LRRK2: variants seen among roughly 807,000 people sequenced by gnomAD.
LRRK2 encodes leucine rich repeat kinase 2.
A neutral mutation model predicts 302.6 loss-of-function variants in LRRK2; 203 were observed. The ratio of observed to expected loss-of-function variants is 0.67; its 90% CI spans 0.60 to 0.75. The LOEUF (loss-of-function observed/expected upper bound fraction) is 0.75. LRRK2 is among the 30% of genes least tolerant of loss of function. LRRK2 has a pLI of 0.00. For missense variants in LRRK2, 2,830 were observed against 2,951.0 expected, an observed-to-expected ratio of 0.96 and a Z score of 0.95; for synonymous variants, 1,066 against 1,031.9, an observed-to-expected ratio of 1.03 and a Z score of -0.63.
intron 23 of LRRK2, among the ~76,000 whole-genome samples, chr12:40,297,570 A>G (rs1389736760): frequency 6.6e-6 from 1 of 152,170 alleles, no homozygotes; most frequent in African/African-American, 2.4e-5. Flanking sequence ...ATCAAACTCT[A>G]GAGTTTCTCG....
intron 35 of LRRK2, 28 bp from the exon 36 acceptor site, chr12:40,322,007 G>C: frequency 1.2e-6 from 2 of 1,612,142 alleles, no homozygotes; most frequent in African/African-American, 2.7e-5. Flanking sequence ...TTAGGAAGCA[G>C]TTAATAATTA....
At chr12:40,268,148 C>T (rs997571666) in intron 14 of LRRK2, among the ~76,000 whole-genome samples, 3 of 152,098 alleles carry the variant, frequency 2.0e-5, no homozygotes, top group Admixed American at 6.6e-5. Context: ...TCACCTGTTC[C>T]AGAGAGATAT....
rs1945825557 is a variant in LRRK2 at position 40,334,989 on chromosome 12, T to G, written c.5780T>G (p.Leu1927Arg). Residue 1927 changes from leucine to arginine, a missense_variant, in exon 40 of 51, where the codon CTC (leucine) becomes CGC (arginine). Around this residue, in one of 3 missense-constraint regions of LRRK2, gnomAD observed 253 missense variants for 346.7 expected, o/e 0.73. Transcript: ENST00000298910. ...LRQELVVLCHLHHPSLISLLA... is the reference protein window; with the variant it reads ...LRQELVVLCHRHHPSLISLLA... ...CAGGAGCTTGTGGTGCTTTGCCACC[T>G]CCACCACCCCAGTTTGATATCTTTG... 1 of 1,613,958 alleles carries G rather than the reference T, an allele frequency of 6.2e-7. No homozygotes were observed. The highest frequency in any genetic ancestry group is 1.7e-5 in the Admixed American group (1 of 59,996).
intron 11 of LRRK2, among the ~76,000 whole-genome samples, chr12:40,257,036 C>A (rs1431446020): frequency 1.3e-5 from 2 of 151,978 alleles, no homozygotes. Flanking sequence ...AAAATCCCAA[C>A]AAAGGGTTAA....
chr12:40,276,620 TAATTCG>T (rs1329902579), intron 16 of LRRK2, among the ~76,000 whole-genome samples: 1 of 152,144 alleles, frequency 6.6e-6, no homozygotes. Context: ...TAAAAGTTTT[TAATTCG>T]AATGACGTAC....
At chr12:40,263,134 A>G (rs980153300) in intron 13 of LRRK2, among the ~76,000 whole-genome samples, 1 of 152,182 alleles carries the variant, frequency 6.6e-6, no homozygotes, top group Non-Finnish European at 1.5e-5. Context: ...TATGTCTATA[A>G]TCTTAGGTTT....
At chr12:40,264,453 T>C (rs11175775) in intron 14 of LRRK2, among the ~76,000 whole-genome samples, 43,850 of 151,880 alleles carry the variant, frequency 0.29, 6,684 homozygotes, top group South Asian at 0.39. Context: ...ACCCTGTCTC[T>C]ACTAAAAATA....
intron 24 of LRRK2, 105 bp downstream of exon 24, chr12:40,298,598 T>G (rs1417388151): frequency 7.1e-7 from 1 of 1,418,276 alleles, no homozygotes; most frequent in Non-Finnish European, 9.8e-7. Context: ...ATGGTGAAAC[T>G]CCATCTCTAC....
At position 40,349,306 on chromosome 12, in the gene LRRK2, G is replaced by A. The variant is rs558748255; in HGVS notation, c.6381+797G>A. Among the ~76,000 whole-genome samples the A allele has an allele frequency of 2.1e-4, 32 of 152,166 alleles. No homozygotes were observed. In the South Asian group the frequency reaches 5.0e-3, roughly 24 times the overall value. ...GTATTACCCTGTCTTAATTCCTGTA[G>A]CTTTATAATGATCTCCTCTCCCTAT... On this transcript the variant is annotated intron_variant, in intron 43 of 50. Coordinates refer to ENST00000298910, the MANE Select transcript of LRRK2 (RefSeq NM_198578.4).
At chr12:40,296,117 T>C (rs1365472804) in intron 23 of LRRK2, among the ~76,000 whole-genome samples, 3 of 152,118 alleles carry the variant, frequency 2.0e-5, no homozygotes, top group Non-Finnish European at 4.4e-5. Context: ...TACTGAAAGT[T>C]TTTTTTTCAG....
intron 40 of LRRK2, among the ~76,000 whole-genome samples, chr12:40,336,113 C>A (rs1945862435): frequency 6.6e-6 from 1 of 152,160 alleles, no homozygotes; most frequent in Non-Finnish European, 1.5e-5. Flanking sequence ...GGACTTGTTC[C>A]TGTTATTACC....
intron 12 of LRRK2, 131 bp downstream of exon 12, chr12:40,257,508 C>A: frequency 9.4e-7 from 1 of 1,064,636 alleles, no homozygotes; most frequent in Non-Finnish European, 1.4e-6. Context: ...AAGCATTTTG[C>A]AATGTAATCT....
chr12:40,250,047 C>G, intron 8 of LRRK2, 102 bp downstream of exon 8: 1 of 1,394,490 alleles, frequency 7.2e-7, no homozygotes. Flanking sequence ...GCATTCAATG[C>G]CTTTTCTGTC....
intron 44 of LRRK2, among the ~76,000 whole-genome samples, chr12:40,353,742 G>A (rs1004043983): frequency 1.3e-5 from 2 of 152,250 alleles, no homozygotes; most frequent in African/African-American, 4.8e-5. Flanking sequence ...GGCACCTCGG[G>A]AGGCCGAGGC....
At chr12:40,314,398 T>C (rs1247776963) in intron 32 of LRRK2, among the ~76,000 whole-genome samples, 1 of 152,016 alleles carries the variant, frequency 6.6e-6, no homozygotes, top group African/African-American at 2.4e-5. Flanking sequence ...AGTAAAGCAG[T>C]GGAAAGAGTC....
At chr12:40,253,042 T>TAAAG in intron 11 of LRRK2, 26 bp downstream of exon 11, 1 of 1,439,518 alleles carries the variant, frequency 6.9e-7, no homozygotes, top group Non-Finnish European at 9.8e-7. Context: ...TGTTTTCAAA[T>TAAAG]AAAGGGAAAC....
intron 39 of LRRK2, 35 bp downstream of exon 39, chr12:40,328,495 C>T (rs769702487): frequency 1.4e-6 from 2 of 1,448,734 alleles, no homozygotes; most frequent in African/African-American, 1.4e-5. Context: ...TATTAAATTG[C>T]ACATTATTAA....
chr12:40,361,880 G>A (rs554873492), intron 47 of LRRK2, among the ~76,000 whole-genome samples: 1 of 152,098 alleles, frequency 6.6e-6, no homozygotes, highest in Non-Finnish European at 1.5e-5. Context: ...CCGACTGAGA[G>A]GCATGTTGGG....
At chr12:40,351,895 A>T (rs544503411) in intron 44 of LRRK2, among the ~76,000 whole-genome samples, 162 bp downstream of exon 44, 1 of 152,356 alleles carries the variant, frequency 6.6e-6, no homozygotes, top group East Asian at 1.9e-4. Flanking sequence ...CTTTAGAATC[A>T]CAGCATATGT....
Sources: gnomAD v4.1 joint callset for allele counts (sites outside exome capture counted in the v4.1 genomes callset) on GRCh38, gnomAD v4.1.1 for gene constraint, gnomAD v4.1.1 regional missense constraint, MANE v1.5 for transcripts, NCBI Gene and HGNC (gene_info 2026-07-23, HGNC 2026-07-21) for gene names.